UBN2: variants seen among roughly 807,000 people sequenced by gnomAD.
UBN2 encodes ubinuclein 2, also known as ubinuclein-2.
UBN2 carries 35 observed loss-of-function variants against 120.2 expected under a neutral mutation model. That is an observed-to-expected ratio of 0.29 (90% CI 0.22 to 0.39). The LOEUF (loss-of-function observed/expected upper bound fraction) is 0.39. UBN2 is among the 10% of genes least tolerant of loss of function. The probability of loss-of-function intolerance (pLI) is 1.00; values close to 1 mark genes in which losing one functional copy is unlikely to be tolerated. For synonymous variants in UBN2, 661 were observed against 648.7 expected, an observed-to-expected ratio of 1.02 and a Z score of -0.29; for missense variants, 1,693 against 1,663.2, an observed-to-expected ratio of 1.02 and a Z score of -0.31.
At chr7:139,236,244 T>C (rs991829638) in intron 1 of UBN2, among the ~76,000 whole-genome samples, 1 of 152,186 alleles carries the variant, frequency 6.6e-6, no homozygotes, top group Non-Finnish European at 1.5e-5. Context: ...ATAATAAACT[T>C]TCACTCTCCC....
intron 1 of UBN2, among the ~76,000 whole-genome samples, chr7:139,232,467 C>G (rs1326963256): frequency 6.6e-6 from 1 of 152,182 alleles, no homozygotes; most frequent in African/African-American, 2.4e-5. Flanking sequence ...GGTGTGCTTG[C>G]GTGCCTGTGA....
intron 2 of UBN2, among the ~76,000 whole-genome samples, chr7:139,238,345 G>A (rs1005448678): frequency 6.6e-6 from 1 of 152,152 alleles, no homozygotes; most frequent in East Asian, 1.9e-4. Flanking sequence ...GATTGGAATT[G>A]GAATCAGGTC....
intron 9 of UBN2, 94 bp downstream of exon 9, chr7:139,272,534 G>GTA: frequency 1.2e-6 from 1 of 866,332 alleles, no homozygotes; most frequent in East Asian, 2.6e-5. Context: ...ATGTATGTAT[G>GTA]TATGTATTTT....
chr7:139,296,266 A>G (rs979199514), intron 17 of UBN2, among the ~76,000 whole-genome samples: 5 of 152,236 alleles, frequency 3.3e-5, no homozygotes, highest in Non-Finnish European at 7.3e-5. Flanking sequence ...TGCAGGTCAT[A>G]TGGTCTCTGT....
At position 139,273,246 on chromosome 7, in the gene UBN2, T is replaced by C. The variant is rs1345336905; in HGVS notation, c.1716-51T>C. 2.5e-6 allele frequency: 3 copies of C among 1,207,742 alleles called. No homozygotes were observed. In the African/African-American group the frequency reaches 4.5e-5, roughly 18 times the overall value. 74.8% of individuals were successfully genotyped at this position (1,207,742 alleles called of 1,614,324 possible). A position where few individuals can be genotyped will look rare whatever the true frequency, so the allele number is the denominator to read the frequency against. On this transcript the variant is annotated intron_variant, in intron 9 of 17. Coordinates refer to ENST00000473989, the MANE Select transcript of UBN2 (RefSeq NM_173569.4). ...GCAAGTATTTATGGAGCATATTATA[T>C]AGGCAGTGTTGGGTTAAAAGTTTGT...
chr7:139,307,424 T>A lies in UBN2; in HGVS notation c.*9588T>A, dbSNP rs1798376810. ...CATTTAGTGTGTCTTAAAAATTATG[T>A]ACTGTACCAGCCATGGATTTTTGTA... On this transcript the variant is annotated 3_prime_UTR_variant, in exon 18 of 18. Transcript: ENST00000473989. The A allele has an allele frequency of 6.6e-6, 1 of 151,872 alleles. No homozygotes were observed. The highest frequency in any genetic ancestry group is 2.4e-5 in the African/African-American group (1 of 41,328). The allele number at this position is 151,872 out of a possible 1,614,324, so 9.4% of individuals were successfully genotyped here. A position where few individuals can be genotyped will look rare whatever the true frequency, so the allele number is the denominator to read the frequency against.
intron 3 of UBN2, among the ~76,000 whole-genome samples, chr7:139,255,408 A>G (rs1252506310): frequency 6.6e-6 from 1 of 152,148 alleles, no homozygotes; most frequent in Non-Finnish European, 1.5e-5. Flanking sequence ...TGTGTGTGCT[A>G]GATTTTGATG....
chr7:139,247,664 C>A (rs1181211863), intron 2 of UBN2, among the ~76,000 whole-genome samples: 2 of 152,150 alleles, frequency 1.3e-5, no homozygotes, highest in Non-Finnish European at 2.9e-5. Context: ...TGAATGGTAG[C>A]TTGGTATTTA....
downstream of UBN2, among the ~76,000 whole-genome samples, chr7:139,310,263 G>T (rs373047277): frequency 4.0e-4 from 61 of 151,578 alleles, no homozygotes; most frequent in South Asian, 3.1e-3. Context: ...GGAGGTTGAG[G>T]TTGCAGTAAT....
chr7:139,232,812 T>C (rs1256336448), intron 1 of UBN2, among the ~76,000 whole-genome samples: 1 of 152,234 alleles, frequency 6.6e-6, no homozygotes, highest in Non-Finnish European at 1.5e-5. Flanking sequence ...ATTGAAAATA[T>C]ATAGGTATGC....
At chr7:139,264,684 G>C (rs1013602074) in intron 6 of UBN2, among the ~76,000 whole-genome samples, 1 of 152,110 alleles carries the variant, frequency 6.6e-6, no homozygotes, top group South Asian at 2.1e-4. Context: ...CGCCTCCCGG[G>C]TTCAAGCAAT....
chr7:139,322,277 A>T, the UBN2 span, among the ~76,000 whole-genome samples: 1 of 152,068 alleles, frequency 6.6e-6, no homozygotes, highest in Non-Finnish European at 1.5e-5. Context: ...CACAGCGGAG[A>T]CTATTTTTTA....
chr7:139,282,760 A>G (rs1455843257), intron 14 of UBN2, among the ~76,000 whole-genome samples: 2 of 152,180 alleles, frequency 1.3e-5, no homozygotes, highest in Non-Finnish European at 2.9e-5. Context: ...GAGGCTCATC[A>G]GTAATGTAAC....
chr7:139,272,308 GTTTTTC>G lies in UBN2; in HGVS notation c.1597-8_1597-3del. 1 of 1,591,558 alleles carries G rather than the reference GTTTTTC, an allele frequency of 6.3e-7. No homozygotes were observed. Among genetic ancestry groups the G allele is most frequent in the Non-Finnish European group, 8.6e-7 (1 of 1,168,668 alleles). Reference sequence around the variant, plus strand: ...TATGTCTGATAAAAACTTCTAGTATGTTTTTCTTTTTAGGATGATCGTTTAAGAGAA... The same window carrying G: ...TATGTCTGATAAAAACTTCTAGTATGTTTTTAGGATGATCGTTTAAGAGAA... On this transcript the variant is annotated splice_polypyrimidine_tract_variant and splice_region_variant and intron_variant, in intron 8 of 17. Transcript: ENST00000473989.
Position 139,305,649 on chromosome 7 carries a change from T to G in UBN2, c.*7813T>G, listed in dbSNP as rs531972920. 1.3e-5 allele frequency: 2 copies of G among 152,318 alleles called. No individual in the cohort carries two copies. The highest frequency in any genetic ancestry group is 3.9e-4 in the East Asian group (2 of 5,194). 9.4% of individuals were successfully genotyped at this position (152,318 alleles called of 1,614,324 possible). A position where few individuals can be genotyped will look rare whatever the true frequency, so the allele number is the denominator to read the frequency against. ...AACTTCGGACACTTTTCCAAACTGT[T>G]AAACAAGTCAGGAATGCTTTTCAGA... On this transcript the variant is annotated 3_prime_UTR_variant, in exon 18 of 18. Coordinates refer to ENST00000473989, the MANE Select transcript of UBN2 (RefSeq NM_173569.4).
At chr7:139,308,945 C>A (rs1257309257), downstream of UBN2, among the ~76,000 whole-genome samples, 1 of 152,184 alleles carries the variant, frequency 6.6e-6, no homozygotes, top group Non-Finnish European at 1.5e-5. Context: ...TGGCATGTGC[C>A]TGTAATCCCA....
rs183089362 is a variant in UBN2, at chr7:139,285,088, A to G, written c.3669+514A>G. Among the ~76,000 whole-genome samples, 968 of 152,124 alleles carry G rather than the reference A, an allele frequency of 6.4e-3. 8 individuals carry two copies. The highest frequency in any genetic ancestry group is 0.024 in the Middle Eastern group (7 of 294). On this transcript the variant is annotated intron_variant, in intron 15 of 17. Transcript: ENST00000473989. ...AAATTTTTATTTTGCTTAATTTTGTAGTTATATATAATTTTCTATGTCAAA... is the reference window on the plus strand; with the variant it reads ...AAATTTTTATTTTGCTTAATTTTGTGGTTATATATAATTTTCTATGTCAAA...
intron 6 of UBN2, among the ~76,000 whole-genome samples, chr7:139,262,556 C>CA (rs1242189240): frequency 1.3e-5 from 2 of 150,062 alleles, no homozygotes; most frequent in South Asian, 2.1e-4. Context: ...ACTAAAAATA[C>CA]AAAAAAAAAT....
At chr7:139,292,733 C>G (rs1207865674) in intron 15 of UBN2, among the ~76,000 whole-genome samples, 1 of 152,032 alleles carries the variant, frequency 6.6e-6, no homozygotes, top group African/African-American at 2.4e-5. Flanking sequence ...GGTGAGAATT[C>G]ATGGTGTAAG....
Sources: allele counts gnomAD v4.1 joint callset (sites outside exome capture counted in the v4.1 genomes callset), GRCh38; gene constraint gnomAD v4.1.1; transcripts MANE v1.5; gene names NCBI Gene and HGNC (gene_info 2026-07-23, HGNC 2026-07-21).